The following SYNE1 variants were observed in gnomAD, a reference collection of about 807,000 sequenced individuals.
The protein encoded by SYNE1 is spectrin repeat containing nuclear envelope protein 1.
In SYNE1, 616 loss-of-function variants were observed where a neutral mutation model predicts 1,111.0. The ratio of observed to expected loss-of-function variants is 0.55; its 90% CI spans 0.52 to 0.59. The LOEUF is 0.59. Ranked by LOEUF, SYNE1 falls within the 20% of genes least tolerant of loss-of-function variation. The pLI, the probability that SYNE1 is intolerant of heterozygous loss-of-function variation, is 0.00. For synonymous variants in SYNE1, 3,855 were observed against 3,825.8 expected, an observed-to-expected ratio of 1.01 and a Z score of -0.28; for missense variants, 10,006 against 10,417.0, an observed-to-expected ratio of 0.96 and a Z score of 1.72.
chr6:152,590,862 AT>A (rs2099557827), intron 3 of SYNE1, among the ~76,000 whole-genome samples: 1 of 152,084 alleles, frequency 6.6e-6, no homozygotes, highest in Non-Finnish European at 1.5e-5. Flanking sequence ...TGCTTTGACT[AT>A]TTGGGCTCTT....
intron 62 of SYNE1, among the ~76,000 whole-genome samples, chr6:152,366,742 C>G (rs1234393478): frequency 6.6e-6 from 1 of 152,200 alleles, no homozygotes; most frequent in African/African-American, 2.4e-5. Context: ...GGTGTCAAGA[C>G]AGAGTGCCGG....
chr6:152,520,410 T>C, intron 6 of SYNE1, 49 bp downstream of exon 6: 1 of 1,575,830 alleles, frequency 6.3e-7, no homozygotes, highest in Non-Finnish European at 8.7e-7. Flanking sequence ...AAAACATAAG[T>C]ATGCCCACAC....
chr6:152,140,591 G>A (rs1020477265), intron 139 of SYNE1, among the ~76,000 whole-genome samples: 2 of 152,120 alleles, frequency 1.3e-5, no homozygotes, highest in African/African-American at 4.8e-5. Context: ...CCAGCTACTC[G>A]AGGGGAGGCG....
intron 114 of SYNE1, 93 bp downstream of exon 114, chr6:152,231,298 G>T: frequency 7.2e-7 from 1 of 1,380,928 alleles, no homozygotes; most frequent in Non-Finnish European, 1.0e-6. Flanking sequence ...GCCCAGTATA[G>T]CCACGCTACT....
At chr6:152,202,090 T>C (rs1209879458) in intron 126 of SYNE1, 141 bp from the exon 127 acceptor site, 1 of 1,125,412 alleles carries the variant, frequency 8.9e-7, no homozygotes, top group Non-Finnish European at 1.3e-6. Context: ...CTCACGCGTG[T>C]AATCCCAGCA....
chr6:152,425,325 G>T (rs982291316), intron 39 of SYNE1, 56 bp downstream of exon 39: 17 of 1,555,224 alleles, frequency 1.1e-5, no homozygotes, highest in Non-Finnish European at 1.5e-5. Flanking sequence ...TAATTTATAT[G>T]CTCATCATTT....
chr6:152,208,253 T>C (rs760908363), intron 124 of SYNE1, 47 bp from the exon 125 acceptor site: 2 of 1,550,352 alleles, frequency 1.3e-6, no homozygotes, highest in Non-Finnish European at 1.8e-6. Flanking sequence ...TTATCTTGGA[T>C]GCAGTTACGC....
At chr6:152,427,885 A>G (rs2098384541) in intron 37 of SYNE1, 69 bp from the exon 38 acceptor site, 1 of 1,606,730 alleles carries the variant, frequency 6.2e-7, no homozygotes, top group African/African-American at 1.3e-5. Context: ...ACCTTTGTGA[A>G]GTTGGAGGGT....
chr6:152,293,966 C>G lies in SYNE1; in HGVS notation c.17844G>C (p.Lys5948Asn). Residue 5948 changes from lysine (K) to asparagine (N), a missense_variant, in exon 94 of 146, where the codon AAG becomes AAC. Transcript: ENST00000367255. ...GDLQRSWETL[K>N]NVISEKQRTL... ...GTCCACCTTGAAGACTTACCACATT[C>G]TTTAAGGTTTCCCAAGAACGCTGCA... 1 of 1,614,104 alleles carries G rather than the reference C, an allele frequency of 6.2e-7. No individual in the cohort carries two copies. The highest frequency in any genetic ancestry group is 1.3e-5 in the African/African-American group (1 of 75,016).
chr6:152,412,058 C>A (rs570945888), intron 42 of SYNE1, among the ~76,000 whole-genome samples: 1 of 151,838 alleles, frequency 6.6e-6, no homozygotes, highest in East Asian at 1.9e-4. Context: ...TGGAAAGAAC[C>A]CAATTGTCCA....
chr6:152,336,433 C>T (rs889754251), intron 76 of SYNE1: 6 of 215,124 alleles, frequency 2.8e-5, no homozygotes, highest in Admixed American at 5.3e-5. Context: ...ACAATTTTTC[C>T]GTGAATGGGG....
chr6:152,370,189 G>C (rs942019285), intron 59 of SYNE1, among the ~76,000 whole-genome samples: 15 of 152,044 alleles, frequency 9.9e-5, no homozygotes, highest in Admixed American at 4.6e-4. Context: ...TCAACTTCTA[G>C]AGCATTTGTT....
chr6:152,325,247 T>G lies in SYNE1; in HGVS notation c.15494A>C (p.Lys5165Thr). 1 of 1,614,166 alleles carries G rather than the reference T, an allele frequency of 6.2e-7. No homozygotes were observed. ...TCCGGTTTTCTCCAGTTGTGAAGCTTTTTCCTCAAGGGCCACAATTTTCTC... is the reference window on the plus strand; with the variant it reads ...TCCGGTTTTCTCCAGTTGTGAAGCTGTTTCCTCAAGGGCCACAATTTTCTC... ...FHEKIVALEEKASQLEKTGND... is the reference protein window; with the variant it reads ...FHEKIVALEETASQLEKTGND... The change falls in exon 81 of 146, where the codon AAA becomes ACA. Residue 5165 changes from lysine to threonine, a missense_variant. By Grantham distance (78) the Lys-to-Thr change is moderately conservative. Transcript: ENST00000367255.
At chr6:152,344,424 T>C (rs1208713765) in intron 73 of SYNE1, among the ~76,000 whole-genome samples, 197 bp from the exon 74 acceptor site, 2 of 152,204 alleles carry the variant, frequency 1.3e-5, no homozygotes, top group Non-Finnish European at 2.9e-5. Context: ...AGTTGATAAC[T>C]TCTCGGACCA....
intron 14 of SYNE1, among the ~76,000 whole-genome samples, chr6:152,478,884 G>A (rs953722965): frequency 6.6e-5 from 10 of 152,126 alleles, no homozygotes; most frequent in Admixed American, 5.2e-4. Flanking sequence ...GGCTTTCACC[G>A]GCATTGTGTT....
In SYNE1 at chr6:152,428,389, G is replaced by A. The variant is rs151002514; in HGVS notation, c.4792C>T (p.Leu1598Phe). ...TYKVLQEHMD[L>F]CQALESLSSA... ...CTCAGTGACTCCAGGGCCTGGCAGA[G>A]ATCCTAAGAAGAGTGCGAGAAGAAT... is the stretch of plus-strand genomic sequence containing the variant. Residue 1598 changes from leucine to phenylalanine, a missense_variant, in exon 37 of 146, where the codon CTC (leucine) becomes TTC (phenylalanine). By Grantham distance (22) the Leu-to-Phe change is conservative (BLOSUM62 0). This residue lies in a region of SYNE1 where 1,971 missense variants were observed against 2,084.1 expected (regional missense o/e 0.95). Transcript: ENST00000367255. 9.9e-6 allele frequency: 16 copies of A among 1,613,452 alleles called. No homozygotes were observed. Among genetic ancestry groups the A allele is most frequent in the African/African-American group, 1.3e-5 (1 of 74,890 alleles).
At chr6:152,466,715 CA>C (rs2098770827) in intron 16 of SYNE1, among the ~76,000 whole-genome samples, 1 of 151,678 alleles carries the variant, frequency 6.6e-6, no homozygotes, top group South Asian at 2.1e-4. Flanking sequence ...TGAGAATAGA[CA>C]AAAAAGTTCT....
intron 22 of SYNE1, 28 bp from the exon 23 acceptor site, chr6:152,456,072 T>C: frequency 1.2e-6 from 2 of 1,607,204 alleles, no homozygotes; most frequent in Non-Finnish European, 8.5e-7. Context: ...CCCACAACAA[T>C]GTTATTTACA....
chr6:152,288,187 A>C (rs1589380391), intron 95 of SYNE1, among the ~76,000 whole-genome samples: 1 of 151,626 alleles, frequency 6.6e-6, no homozygotes, highest in East Asian at 1.9e-4. Flanking sequence ...ACAATTTCAC[A>C]CTGTGTTCAT....
Sources: allele counts gnomAD v4.1 joint callset (sites outside exome capture counted in the v4.1 genomes callset), GRCh38; gene constraint gnomAD v4.1.1; regional missense constraint gnomAD v4.1.1; transcripts MANE v1.5; gene names NCBI Gene and HGNC (gene_info 2026-07-23, HGNC 2026-07-21).